Variants in LANCL3 observed in about 807,000 individuals in gnomAD.
LANCL3 encodes the protein lanC-like protein 3.
In LANCL3, 19 loss-of-function variants were observed where a neutral mutation model predicts 26.5. The observed-to-expected ratio is 0.72, with a 90% CI of 0.50 to 1.05. The LOEUF is 1.05. LANCL3 is among the 50% of genes least tolerant of loss of function. LANCL3 has a pLI of 0.00. For synonymous variants in LANCL3, 160 were observed against 166.6 expected (o/e 0.96, Z 0.30); for missense variants, 318 against 362.7 (o/e 0.88, Z 1.00).
chrX:37,608,732 A>G (rs782255938), intron 1 of LANCL3, among the ~76,000 whole-genome samples: 1 of 112,234 alleles, frequency 8.9e-6, no homozygotes, highest in Non-Finnish European at 1.9e-5. Flanking sequence ...TGAGAATCCA[A>G]ATCCTCACTA....
intron 4 of LANCL3, among the ~76,000 whole-genome samples, chrX:37,672,804 C>T (rs1014268238): frequency 2.7e-5 from 3 of 111,784 alleles, no homozygotes; most frequent in South Asian, 3.7e-4. Flanking sequence ...ATGATCACTC[C>T]CTCACCCAGC....
At position 37,577,559 on chromosome X, in the gene LANCL3, T is replaced by C. The variant is rs191742184; in HGVS notation, c.573+5116T>C. ...ACATTTGTAACGAAATGCTAATTTG[T>C]TTAAGTAAGCTAGGAAACATGTAGA... is the stretch of plus-strand genomic sequence containing the variant. On this transcript the variant is annotated intron_variant, in intron 1 of 4. Coordinates refer to ENST00000378619, the MANE Select transcript of LANCL3 (RefSeq NM_001170331.2). Among the ~76,000 whole-genome samples, 199 of 112,361 alleles carry C rather than the reference T, an allele frequency of 1.8e-3. 1 individual carries two copies. Among genetic ancestry groups the C allele is most frequent in the Non-Finnish European group, 2.7e-3 (145 of 53,272 alleles).
At chrX:37,606,244 T>C (rs1222595099) in intron 1 of LANCL3, among the ~76,000 whole-genome samples, 1 of 111,623 alleles carries the variant, frequency 9.0e-6, no homozygotes, top group Non-Finnish European at 1.9e-5. Context: ...AGGTTTTTAT[T>C]GGGGGGTGGT....
At chrX:37,631,701 T>C (rs1159387006) in intron 1 of LANCL3, among the ~76,000 whole-genome samples, 16 of 111,752 alleles carry the variant, frequency 1.4e-4, no homozygotes, top group East Asian at 2.8e-4. Context: ...GCCTTCATTT[T>C]GTTATGTACC....
chrX:37,632,848 T>C (rs1211743966), intron 1 of LANCL3, among the ~76,000 whole-genome samples: 1 of 112,100 alleles, frequency 8.9e-6, no homozygotes, highest in Non-Finnish European at 1.9e-5. Context: ...GGCTTCCCTT[T>C]GTGGGTAACC....
intron 1 of LANCL3, among the ~76,000 whole-genome samples, chrX:37,584,620 T>G (rs1390032906): frequency 8.9e-6 from 1 of 111,955 alleles, no homozygotes; most frequent in Non-Finnish European, 1.9e-5. Flanking sequence ...GTGTTTATAG[T>G]ATTCTCTGAT....
At chrX:37,613,502 A>T (rs1410662457) in intron 1 of LANCL3, among the ~76,000 whole-genome samples, 1 of 112,273 alleles carries the variant, frequency 8.9e-6, no homozygotes, top group Non-Finnish European at 1.9e-5. Context: ...ACACTCAGAC[A>T]AAGATATGCA....
At chrX:37,610,372 G>A (rs1419497063) in intron 1 of LANCL3, among the ~76,000 whole-genome samples, 5 of 112,152 alleles carry the variant, frequency 4.5e-5, no homozygotes, top group Non-Finnish European at 9.4e-5. Context: ...AATCACAGTG[G>A]CCATTGAGGC....
chrX:37,649,934 T>C (rs1220869338), intron 1 of LANCL3, among the ~76,000 whole-genome samples: 1 of 111,218 alleles, frequency 9.0e-6, no homozygotes, highest in Non-Finnish European at 1.9e-5. Context: ...TTAAGAACTA[T>C]TTTTGCACTC....
rs186951637 is a variant in LANCL3 at position 37,659,944 on chromosome X, G to T, written c.895+285G>T. On this transcript the variant is annotated intron_variant, in intron 3 of 4. Coordinates refer to ENST00000378619, the MANE Select transcript of LANCL3 (RefSeq NM_001170331.2). ...GCCACATATGTAATTTTCATTTTTA[G>T]TAACCTCATTAAAAAAGTAAAATCA... Among the ~76,000 whole-genome samples, 581 of 111,066 alleles carry T rather than the reference G, an allele frequency of 5.2e-3. 1 individual carries two copies. The highest frequency in any genetic ancestry group is 8.5e-3 in the Non-Finnish European group (449 of 53,007).
intron 1 of LANCL3, among the ~76,000 whole-genome samples, chrX:37,649,941 A>C (rs367719117): frequency 2.7e-5 from 3 of 110,349 alleles, no homozygotes; most frequent in Non-Finnish European, 3.8e-5. Flanking sequence ...CTATTTTTGC[A>C]CTCACTTAGT....
chrX:37,625,038 G>A (rs914037394), intron 1 of LANCL3, among the ~76,000 whole-genome samples: 9 of 111,149 alleles, frequency 8.1e-5, no homozygotes, highest in African/African-American at 2.6e-4. Context: ...GTCAGGCTGC[G>A]GGCACTAGGG....
Position 37,683,096 on chromosome X carries a change from A to C in LANCL3, c.*7283A>C, listed in dbSNP as rs1556438875. 8.9e-6 allele frequency: 1 copy of C among 111,978 alleles called. No homozygotes were observed. The highest frequency in any genetic ancestry group is 3.3e-5 in the African/African-American group (1 of 30,751). The allele number at this position is 111,978 out of a possible 1,213,427, so 9.2% of individuals were successfully genotyped here. On this transcript the variant is annotated 3_prime_UTR_variant, in exon 5 of 5. Coordinates refer to ENST00000378619, the MANE Select transcript of LANCL3 (RefSeq NM_001170331.2). The stretch of plus-strand genomic sequence containing the variant: ...ACCACATGTTAGTTTTGGAATGTGT[A>C]TTTCCCAGCGAATAGAATTTACTGC...
chrX:37,648,641 C>T (rs1926047986), intron 1 of LANCL3, among the ~76,000 whole-genome samples: 2 of 111,966 alleles, frequency 1.8e-5, no homozygotes, highest in South Asian at 7.4e-4. Flanking sequence ...AGCTTCTGCA[C>T]AGCAAAAGAA....
At chrX:37,604,053 G>C (rs188602396) in intron 1 of LANCL3, among the ~76,000 whole-genome samples, 176 of 112,686 alleles carry the variant, frequency 1.6e-3, no homozygotes, top group African/African-American at 5.5e-3. Context: ...TGCCCTTCCT[G>C]CTGTTCCCCA....
At chrX:37,609,126 A>G (rs1300432056) in intron 1 of LANCL3, among the ~76,000 whole-genome samples, 6 of 112,309 alleles carry the variant, frequency 5.3e-5, no homozygotes, top group African/African-American at 1.9e-4. Flanking sequence ...GCTTTACAAT[A>G]TATTGAGACA....
At chrX:37,649,646 G>A (rs982339205) in intron 1 of LANCL3, among the ~76,000 whole-genome samples, 3 of 111,617 alleles carry the variant, frequency 2.7e-5, no homozygotes, top group Non-Finnish European at 5.7e-5. Flanking sequence ...GTCTGGGCTG[G>A]GGCCTGGGAA....
At chrX:37,622,044 T>C (rs782346423) in intron 1 of LANCL3, among the ~76,000 whole-genome samples, 1 of 111,519 alleles carries the variant, frequency 9.0e-6, no homozygotes, top group Non-Finnish European at 1.9e-5. Flanking sequence ...TACCTCCTAA[T>C]CCTCAGGTCT....
intron 1 of LANCL3, among the ~76,000 whole-genome samples, chrX:37,594,865 G>A (rs1490578733): frequency 4.5e-5 from 5 of 111,417 alleles, no homozygotes; most frequent in African/African-American, 1.6e-4. Flanking sequence ...TAGAAGTCCT[G>A]AATAGAACAT....
Sources: allele counts gnomAD v4.1 joint callset (sites outside exome capture counted in the v4.1 genomes callset), GRCh38; gene constraint gnomAD v4.1.1; transcripts MANE v1.5; gene names NCBI Gene and HGNC (gene_info 2026-07-23, HGNC 2026-07-21).